HIVEP2: variants seen among roughly 807,000 people sequenced by gnomAD.
HIVEP2 encodes the protein HIVEP zinc finger 2.
A neutral mutation model predicts 180.7 loss-of-function variants in HIVEP2; 14 were observed. That is an observed-to-expected ratio of 0.08 (90% CI 0.05 to 0.12). HIVEP2 has a LOEUF of 0.12. HIVEP2 is among the 10% of genes least tolerant of loss of function. HIVEP2 has a pLI of 1.00. For missense variants in HIVEP2, 2,579 were observed against 3,008.5 expected (o/e 0.86, Z 3.34); for synonymous variants, 1,184 against 1,136.4 (o/e 1.04, Z -0.84).
At chr6:142,804,804 T>G (rs772152063) in intron 2 of HIVEP2, among the ~76,000 whole-genome samples, 50 of 151,258 alleles carry the variant, frequency 3.3e-4, no homozygotes, top group Non-Finnish European at 6.8e-4. Context: ...GGCAGCCTAA[T>G]AATGTGCTTG....
At chr6:142,856,858 G>A (rs557338030) in intron 1 of HIVEP2, among the ~76,000 whole-genome samples, 1 of 152,200 alleles carries the variant, frequency 6.6e-6, no homozygotes, top group Non-Finnish European at 1.5e-5. Context: ...AGCAGGAAGT[G>A]GAGGGGAAAC....
intron 1 of HIVEP2, among the ~76,000 whole-genome samples, chr6:142,912,480 G>C (rs1291334930): frequency 6.6e-6 from 1 of 152,128 alleles, no homozygotes; most frequent in African/African-American, 2.4e-5. Flanking sequence ...TGGCTTGATA[G>C]CTACGTGCAC....
chr6:142,894,914 C>T (rs1002083574), intron 1 of HIVEP2, among the ~76,000 whole-genome samples: 8 of 152,156 alleles, frequency 5.3e-5, no homozygotes, highest in South Asian at 2.1e-4. Context: ...TTCACAACAA[C>T]GCTGGGACCA....
In HIVEP2 at chr6:142,751,849, AC is replaced by A. The variant is rs1774929670; in HGVS notation, c.*1257del. On this transcript the variant is annotated 3_prime_UTR_variant, in exon 10 of 10. Coordinates refer to ENST00000367603, the MANE Select transcript of HIVEP2 (RefSeq NM_006734.4). ...GTGACCTCCCCTAACACAGATGTTAACCCTGTTCCCATGTAAACCGGCTGAC... is the reference window on the plus strand; with the variant it reads ...GTGACCTCCCCTAACACAGATGTTAACCTGTTCCCATGTAAACCGGCTGAC... 1 of 152,696 alleles carries A rather than the reference AC, an allele frequency of 6.5e-6. No homozygotes were observed. Among genetic ancestry groups the A allele is most frequent in the African/African-American group, 2.4e-5 (1 of 41,434 alleles). 9.5% of individuals were successfully genotyped at this position (152,696 alleles called of 1,614,324 possible).
intron 2 of HIVEP2, among the ~76,000 whole-genome samples, chr6:142,804,909 A>G (rs895612757): frequency 5.3e-5 from 8 of 152,174 alleles, no homozygotes; most frequent in Admixed American, 2.0e-4. Context: ...GACTTTTTAA[A>G]GATGAATGGA....
intron 2 of HIVEP2, among the ~76,000 whole-genome samples, chr6:142,805,375 G>C (rs570618243): frequency 7.3e-6 from 1 of 137,116 alleles, no homozygotes; most frequent in African/African-American, 2.8e-5. Context: ...TGAAATCCCA[G>C]CCAGCCTCAG....
chr6:142,777,654 A>G (rs1361201055), intron 3 of HIVEP2, among the ~76,000 whole-genome samples: 1 of 25,228 alleles, frequency 4.0e-5, no homozygotes, highest in Non-Finnish European at 9.6e-5. Context: ...ATCTCAAAAA[A>G]AAAAAAAAAA....
At chr6:142,838,128 T>A (rs181381854) in intron 1 of HIVEP2, among the ~76,000 whole-genome samples, 364 of 152,164 alleles carry the variant, frequency 2.4e-3, no homozygotes, top group Middle Eastern at 0.014. Context: ...TATTAGAAGG[T>A]AGTTGCTCCA....
chr6:142,761,600 T>TTGGTTATCA (rs1463125759), intron 7 of HIVEP2, 35 bp from the exon 8 acceptor site: 1 of 1,185,184 alleles, frequency 8.4e-7, no homozygotes, highest in African/African-American at 1.5e-5. Flanking sequence ...GAGAAATTAA[T>TTGGTTATCA]TGGTTATCAA....
At chr6:142,789,714 C>A (rs1776092814) in intron 2 of HIVEP2, among the ~76,000 whole-genome samples, 1 of 152,068 alleles carries the variant, frequency 6.6e-6, no homozygotes, top group Admixed American at 6.6e-5. Flanking sequence ...TCCTCTTATT[C>A]AAAGTTTATT....
At chr6:142,939,340 C>A (rs1328585331) in intron 1 of HIVEP2, among the ~76,000 whole-genome samples, 1 of 151,864 alleles carries the variant, frequency 6.6e-6, no homozygotes, top group Non-Finnish European at 1.5e-5. Context: ...AGATATTCAT[C>A]CCATATACCC....
chr6:142,816,808 AG>A (rs1298120566), intron 2 of HIVEP2, among the ~76,000 whole-genome samples: 1 of 152,370 alleles, frequency 6.6e-6, no homozygotes, highest in East Asian at 1.9e-4. Context: ...ATACTAAGAT[AG>A]ATTCTGGTTC....
At chr6:142,763,093 TTCTC>T (rs1365291435) in intron 7 of HIVEP2, among the ~76,000 whole-genome samples, 1 of 152,246 alleles carries the variant, frequency 6.6e-6, no homozygotes, top group Non-Finnish European at 1.5e-5. Flanking sequence ...ATGTGTTTCT[TTCTC>T]CTACATTTTT....
intron 1 of HIVEP2, among the ~76,000 whole-genome samples, chr6:142,926,849 G>A (rs902873550): frequency 6.6e-6 from 1 of 151,994 alleles, no homozygotes; most frequent in African/African-American, 2.4e-5. Flanking sequence ...CGCCGGGCGC[G>A]GCGAGCCCCA....
intron 1 of HIVEP2, among the ~76,000 whole-genome samples, chr6:142,886,371 A>G (rs1776698907): frequency 6.6e-6 from 1 of 152,218 alleles, no homozygotes. Flanking sequence ...TTTTCAAATC[A>G]TCTGTTCTCT....
chr6:142,840,310 T>C (rs1775332273), intron 1 of HIVEP2, among the ~76,000 whole-genome samples: 1 of 6,000 alleles, frequency 1.7e-4, no homozygotes, highest in Non-Finnish European at 3.2e-4. Context: ...TTTTTTTTAA[T>C]ATTTTTTTAT....
intron 1 of HIVEP2, among the ~76,000 whole-genome samples, chr6:142,915,136 A>G (rs1256749993): frequency 1.3e-5 from 2 of 152,178 alleles, no homozygotes; most frequent in Admixed American, 1.3e-4. Context: ...TCCCCTGGAG[A>G]GCCTTACGCA....
At chr6:142,914,123 C>A (rs574464394) in intron 1 of HIVEP2, among the ~76,000 whole-genome samples, 1 of 152,306 alleles carries the variant, frequency 6.6e-6, no homozygotes, top group South Asian at 2.1e-4. Context: ...CCGTAGGTAA[C>A]CGTGGGCAAG....
At chr6:142,894,870 T>C (rs1216832290) in intron 1 of HIVEP2, among the ~76,000 whole-genome samples, 1 of 152,198 alleles carries the variant, frequency 6.6e-6, no homozygotes, top group Non-Finnish European at 1.5e-5. Flanking sequence ...CCACTGATAA[T>C]ATGCCAGACA....
Sources: allele counts gnomAD v4.1 joint callset (sites outside exome capture counted in the v4.1 genomes callset), GRCh38; gene constraint gnomAD v4.1.1; transcripts MANE v1.5; gene names NCBI Gene and HGNC (gene_info 2026-07-23, HGNC 2026-07-21).